TJP2: variants seen among roughly 807,000 people sequenced by gnomAD.
The protein encoded by TJP2 is tight junction protein 2.
Under a neutral mutation model 133.1 loss-of-function variants are expected in TJP2, and 91 were observed. The observed-to-expected ratio is 0.68, with a 90% CI of 0.58 to 0.81. The LOEUF (loss-of-function observed/expected upper bound fraction) is 0.81. Among genes scored for constraint, TJP2 ranks in the 40% least tolerant of loss-of-function variants. The pLI is 0.00. For synonymous variants in TJP2, 592 were observed against 583.4 expected (o/e 1.01, Z -0.21); for missense variants, 1,541 against 1,565.6 (o/e 0.98, Z 0.26).
At position 69,248,052 on chromosome 9, in the gene TJP2, A is replaced by T. The variant is rs775354216; in HGVS notation, c.2708A>T (p.Tyr903Phe). The change falls in exon 19 of 23, where the codon TAC becomes TTC. Residue 903 changes from tyrosine to phenylalanine, a missense_variant. Tyr to Phe is a conservative substitution (Grantham distance 22, BLOSUM62 3). Transcript: ENST00000377245. Reference sequence around the variant, plus strand: ...GATGACCCCGAAGACCGCATGTCCTACTTAACCGCCATGGGCGCGGACTAT... The same window carrying T: ...GATGACCCCGAAGACCGCATGTCCTTCTTAACCGCCATGGGCGCGGACTAT... ...MDDDPEDRMS[Y>F]LTAMGADYLS... 4.3e-6 allele frequency: 7 copies of T among 1,613,830 alleles called. No homozygotes were observed. Among genetic ancestry groups the T allele is most frequent in the South Asian group, 3.3e-5 (3 of 91,058 alleles).
chr9:69,234,399 T>TTTCTTTCTTTC (rs772707888), intron 11 of TJP2, 40 bp from the exon 12 acceptor site: 112 of 253,886 alleles, frequency 4.4e-4, no homozygotes, highest in Middle Eastern at 1.9e-3. Context: ...TCTTTCTTTC[T>TTTCTTTCTTTC]TTTTTTTTTT....
At chr9:69,246,611 T>G (rs754861891) in intron 17 of TJP2, 79 bp from the exon 18 acceptor site, 3 of 1,198,354 alleles carry the variant, frequency 2.5e-6, no homozygotes, top group Non-Finnish European at 3.7e-6. Flanking sequence ...CAGAAATGAG[T>G]GTAAATTATG....
intron 3 of TJP2, among the ~76,000 whole-genome samples, chr9:69,216,786 C>T (rs1362457498): frequency 6.6e-6 from 1 of 152,010 alleles, no homozygotes; most frequent in Non-Finnish European, 1.5e-5. Flanking sequence ...CGATGCTTAA[C>T]CAACACTGTT....
rs190818087 is a variant in TJP2 at position 69,126,397 on chromosome 9, G to A, written c.-131+4672G>A. ...GGCCAGCTCCCCAGAAAATCAAGTC[G>A]TGGGCATTTGCTTATTGAGATGGGT... is the stretch of plus-strand genomic sequence containing the variant. On this transcript the variant is annotated intron_variant, in intron 1 of 5. Transcript: ENST00000423935. Among the ~76,000 whole-genome samples the A allele has an allele frequency of 8.0e-3, 610 of 76,398 alleles. 257 individuals are homozygous for A. The highest frequency in any genetic ancestry group is 0.015 in the Middle Eastern group (2 of 134). 50.1% of individuals were successfully genotyped at this position (76,398 alleles called of 152,430 possible).
Position 69,240,299 on chromosome 9 carries a change from G to A in TJP2, c.2566+152G>A, listed in dbSNP as rs527593724. The A allele has an allele frequency of 7.5e-6, 6 of 795,920 alleles. No individual in the cohort carries two copies. In the South Asian group the frequency reaches 1.0e-4, roughly 13 times the overall value. The allele number at this position is 795,920 out of a possible 1,614,324, so 49.3% of individuals were successfully genotyped here. On this transcript the variant is annotated intron_variant, in intron 17 of 22. Transcript: ENST00000377245. ...TTAATCCTATAAAATGGGATATTAG[G>A]CCAATGGCATTTATATATTGAACTT...
At position 69,246,678 on chromosome 9, in the gene TJP2, A is replaced by C; in HGVS notation, c.2567-12A>C. 1 of 1,611,378 alleles carries C rather than the reference A, an allele frequency of 6.2e-7. No individual in the cohort carries two copies. ...GAAATTAATGCAGACCTTTTTGTTT[A>C]TATTTCTATAGCTACAATCAACCTA... On this transcript the variant is annotated splice_polypyrimidine_tract_variant and intron_variant, in intron 17 of 22. Coordinates refer to ENST00000377245, the MANE Select transcript of TJP2 (RefSeq NM_004817.4).
At chr9:69,174,908 TG>T (rs1164027846) in intron 1 of TJP2, among the ~76,000 whole-genome samples, 2 of 84,170 alleles carry the variant, frequency 2.4e-5, no homozygotes, top group African/African-American at 9.3e-5. Context: ...AAGTAAAAGT[TG>T]TTTTTTTTTT....
chr9:69,234,965 GTCC>G lies in TJP2; in HGVS notation c.1780+423_1780+425del, dbSNP rs1274687156. On this transcript the variant is annotated intron_variant, in intron 12 of 22. Transcript: ENST00000377245. ...CATCTGTTAAGTGGGTGTTGAGAGTGTCCTCCTTGTCTGCTTCAGAGCTTGATT... is the reference window on the plus strand; with the variant it reads ...CATCTGTTAAGTGGGTGTTGAGAGTGTCCTTGTCTGCTTCAGAGCTTGATT... Among the ~76,000 whole-genome samples, 3 of 152,140 alleles carry G rather than the reference GTCC, an allele frequency of 2.0e-5. No individual in the cohort carries two copies. In the East Asian group the frequency reaches 5.8e-4, roughly 29 times the overall value.
At chr9:69,178,065 G>A (rs1371889509) in intron 1 of TJP2, among the ~76,000 whole-genome samples, 1 of 151,866 alleles carries the variant, frequency 6.6e-6, no homozygotes, top group Admixed American at 6.6e-5. Flanking sequence ...CTATCATCCA[G>A]CTGGCCATTA....
intron 1 of TJP2, among the ~76,000 whole-genome samples, chr9:69,209,646 CG>C: frequency 6.6e-6 from 1 of 150,750 alleles, no homozygotes; most frequent in East Asian, 2.0e-4. Context: ...CCCAACTACT[CG>C]GGAGGCTGAG....
intron 17 of TJP2, among the ~76,000 whole-genome samples, chr9:69,245,463 T>G (rs1025091514): frequency 1.3e-5 from 2 of 152,240 alleles, no homozygotes; most frequent in African/African-American, 4.8e-5. Context: ...CTTGTCTAAT[T>G]TATCTCCATT....
intron 1 of TJP2, among the ~76,000 whole-genome samples, chr9:69,186,038 G>A (rs1825838527): frequency 6.6e-6 from 1 of 152,034 alleles, no homozygotes; most frequent in African/African-American, 2.4e-5. Flanking sequence ...AAAGTGCTGG[G>A]ATTACAGGTG....
intron 3 of TJP2, among the ~76,000 whole-genome samples, 186 bp from the exon 4 acceptor site, chr9:69,218,071 T>C (rs930124851): frequency 1.2e-4 from 19 of 152,212 alleles, no homozygotes; most frequent in Non-Finnish European, 2.6e-4. Context: ...AATTGAGCTG[T>C]ATGGCCCCCA....
upstream of TJP2, among the ~76,000 whole-genome samples, chr9:69,170,295 C>T (rs892476489): frequency 1.3e-5 from 2 of 152,034 alleles, no homozygotes; most frequent in African/African-American, 4.8e-5. Context: ...TGCATACTTT[C>T]CAGTTTTTAT....
At chr9:69,235,023 C>G (rs927264385) in intron 12 of TJP2, among the ~76,000 whole-genome samples, 1 of 152,082 alleles carries the variant, frequency 6.6e-6, no homozygotes, top group Non-Finnish European at 1.5e-5. Context: ...TCCAGAGAAA[C>G]AGAATGATAG....
intron 2 of TJP2, among the ~76,000 whole-genome samples, chr9:69,162,105 TATATA>T (rs996200107): frequency 2.0e-5 from 3 of 148,130 alleles, no homozygotes; most frequent in African/African-American, 7.3e-5. Context: ...AAAATTGTAT[TATATA>T]ATAAATATAA....
intron 5 of TJP2, 33 bp from the exon 6 acceptor site, chr9:69,225,271 A>G (rs1270402177): frequency 1.2e-5 from 17 of 1,397,152 alleles, no homozygotes; most frequent in Non-Finnish European, 1.6e-5. Context: ...CAAATTGATA[A>G]CATACGTGTA....
rs903310880 is a variant in TJP2, at chr9:69,130,476, T to G, written c.-131+8751T>G. 2.0e-5 allele frequency among the ~76,000 whole-genome samples: 3 copies of G among 152,268 alleles called. No individual in the cohort carries two copies. In the East Asian group the frequency reaches 5.8e-4, roughly 29 times the overall value. The stretch of plus-strand genomic sequence containing the variant: ...GATTGCAGGCCCCCCTCCTGGAGTT[T>G]CTGATTGCGTAGATCTGGGGCGGGG... On this transcript the variant is annotated intron_variant, in intron 1 of 5. Coordinates refer to the TJP2 transcript ENST00000423935.
rs928154179 is a variant in TJP2 at position 69,174,382 on chromosome 9, C to G, written c.10C>G (p.Arg4Gly). Residue 4 changes from arginine to glycine, a missense_variant, in exon 1 of 23, where the codon CGA (arginine) becomes GGA (glycine). Arg to Gly is a moderately radical substitution (Grantham distance 125). Transcript: ENST00000377245. ...GGGACCTGTGTCCGAAATGCCGGTG[C>G]GAGGAGACCGCGGGTTTCCACCCCG... MPV[R>G]GDRGFPPRRE... 1.9e-6 allele frequency: 3 copies of G among 1,551,716 alleles called. No homozygotes were observed. The African/African-American group carries it at 4.1e-5, about 21-fold the overall frequency.
Sources: allele counts gnomAD v4.1 joint callset (sites outside exome capture counted in the v4.1 genomes callset), GRCh38; gene constraint gnomAD v4.1.1; transcripts MANE v1.5; gene names NCBI Gene and HGNC (gene_info 2026-07-23, HGNC 2026-07-21).